Variants in GNB5 observed in about 807,000 individuals in gnomAD.
GNB5 encodes guanine nucleotide-binding protein subunit beta-5.
Under a neutral mutation model 55.3 loss-of-function variants are expected in GNB5, and 37 were observed. That is an observed-to-expected ratio of 0.67 (90% CI 0.51 to 0.88). The LOEUF (loss-of-function observed/expected upper bound fraction) is 0.88, where lower values mean the gene tolerates loss of function less well. GNB5 is among the 40% of genes least tolerant of loss of function. The pLI, the probability that GNB5 is intolerant of heterozygous loss-of-function variation, is 0.00. For missense variants in GNB5, 476 were observed against 515.3 expected, an observed-to-expected ratio of 0.92 and a Z score of 0.74; for synonymous variants, 219 against 198.5, an observed-to-expected ratio of 1.10 and a Z score of -0.87.
intron 11 of GNB5, chr15:52,125,173 A>T (rs2033390072): frequency 6.6e-6 from 1 of 152,504 alleles, no homozygotes; most frequent in Non-Finnish European, 1.5e-5. Flanking sequence ...CCTCTGCTTT[A>T]ACTTTCTATT....
chr15:52,190,778 T>TAAAAAAAAAAAAAAAAAAAA (rs58614125), intron 1 of GNB5, among the ~76,000 whole-genome samples: 2 of 96,908 alleles, frequency 2.1e-5, no homozygotes, highest in African/African-American at 8.8e-5. Flanking sequence ...CTTATTTCCT[T>TAAAAAAAAAAAAAAAAAAAA]AAAAAAAAAA....
chr15:52,177,755 T>G (rs1439603641), intron 3 of GNB5, among the ~76,000 whole-genome samples: 2 of 151,990 alleles, frequency 1.3e-5, no homozygotes, highest in Non-Finnish European at 2.9e-5. Flanking sequence ...ATAAGAACCT[T>G]CAAGAAGCAA....
chr15:52,164,940 A>T (rs2141226588), intron 3 of GNB5, among the ~76,000 whole-genome samples: 1 of 152,306 alleles, frequency 6.6e-6, no homozygotes, highest in South Asian at 2.1e-4. Flanking sequence ...GTTCTAACCC[A>T]ATGCAAAGAA....
chr15:52,149,114 T>C (rs3794541), intron 5 of GNB5, among the ~76,000 whole-genome samples: 55,172 of 152,070 alleles, frequency 0.36, 10,393 homozygotes, highest in East Asian at 0.44. Flanking sequence ...CAAAATGGTT[T>C]CGGCCCCTCA....
intron 2 of GNB5, 69 bp from the exon 3 acceptor site, chr15:52,179,948 T>C: frequency 1.4e-6 from 2 of 1,426,532 alleles, no homozygotes; most frequent in Non-Finnish European, 9.2e-7. Flanking sequence ...CGGGCGCCGC[T>C]CCAGCAGCCG....
chr15:52,141,081 T>C, intron 7 of GNB5, 59 bp downstream of exon 7: 1 of 1,533,714 alleles, frequency 6.5e-7, no homozygotes, highest in East Asian at 2.2e-5. Context: ...TCCTCTCCTC[T>C]CAGCTCCTCT....
chr15:52,128,588 G>A (rs2033487941), intron 9 of GNB5: 9 of 545,436 alleles, frequency 1.7e-5, no homozygotes, highest in South Asian at 1.4e-4. Context: ...TATGAGCACA[G>A]ACACTGAATC....
chr15:52,126,085 CAG>C, intron 10 of GNB5, 41 bp from the exon 11 acceptor site: 1 of 979,718 alleles, frequency 1.0e-6, no homozygotes, highest in Non-Finnish European at 1.6e-6. Context: ...CTTCTGGCTT[CAG>C]TTTGGTGACG....
chr15:52,153,479 G>T (rs760542821), intron 4 of GNB5, among the ~76,000 whole-genome samples: 6 of 151,970 alleles, frequency 3.9e-5, no homozygotes, highest in African/African-American at 7.3e-5. Context: ...TGGAGGAATA[G>T]ATAACTAATA....
chr15:52,147,210 C>A, intron 6 of GNB5: 1 of 323,384 alleles, frequency 3.1e-6, no homozygotes, highest in Non-Finnish European at 5.7e-6. Context: ...TGCTATGTTG[C>A]CAGGGTGGAC....
rs150174426 is a variant in GNB5 at position 52,167,083 on chromosome 15, T to C, written c.238+12685A>G. Among the ~76,000 whole-genome samples the C allele has an allele frequency of 6.1e-3, 933 of 151,934 alleles. 11 individuals carry two copies. Among genetic ancestry groups the C allele is most frequent in the African/African-American group, 0.021 (890 of 41,404 alleles). ...CATAAACTAGAAAATCTAGAAGAAA[T>C]AGATAAATTCCTAAATGCATACACC... On this transcript the variant is annotated intron_variant, in intron 3 of 12. Coordinates refer to ENST00000261837, the MANE Select transcript of GNB5 (RefSeq NM_016194.4).
At chr15:52,188,472 T>A (rs2034875741) in intron 1 of GNB5, among the ~76,000 whole-genome samples, 2 of 152,254 alleles carry the variant, frequency 1.3e-5, no homozygotes, top group Non-Finnish European at 1.5e-5. Context: ...ATACTGTTCA[T>A]GTATACTGAT....
rs778997593 is a variant in GNB5 at position 52,133,389 on chromosome 15, G to T, written c.852C>A (p.Ile284=). The part of the protein sequence containing the change: ...VQAFETHESD[I]NSVRYYPSGD... ...TTCTACTCACTGACCGGACACTGTTGATGTCAGATTCATGTGTTTCAAAGG... is the reference window on the plus strand; with the variant it reads ...TTCTACTCACTGACCGGACACTGTTTATGTCAGATTCATGTGTTTCAAAGG... The change falls in exon 9 of 13, where the codon ATC becomes ATA. Residue 284 remains isoleucine (I), a synonymous_variant. Coordinates refer to ENST00000261837, the MANE Select transcript of GNB5 (RefSeq NM_016194.4). 6.2e-7 allele frequency: 1 copy of T among 1,600,288 alleles called. No homozygotes were observed. The highest frequency in any genetic ancestry group is 1.1e-5 in the South Asian group (1 of 90,812).
intron 2 of GNB5, 117 bp from the exon 3 acceptor site, chr15:52,179,996 C>A: frequency 7.9e-7 from 1 of 1,261,626 alleles, no homozygotes; most frequent in Non-Finnish European, 1.0e-6. Flanking sequence ...CCCCGCCCTC[C>A]GCGATGACGC....
intron 3 of GNB5, among the ~76,000 whole-genome samples, chr15:52,160,319 T>C (rs556183420): frequency 2.0e-5 from 3 of 152,292 alleles, no homozygotes; most frequent in East Asian, 3.9e-4. Flanking sequence ...ACCCAATCCA[T>C]GGGAGTGTTG....
intron 3 of GNB5, 134 bp from the exon 4 acceptor site, chr15:52,154,210 T>C: frequency 1.4e-6 from 1 of 699,090 alleles, no homozygotes. Flanking sequence ...CACAGCTTGA[T>C]TCTCTGATTC....
At chr15:52,190,450 TGTAGTCA>T (rs2034905339) in intron 1 of GNB5, among the ~76,000 whole-genome samples, 1 of 152,202 alleles carries the variant, frequency 6.6e-6, no homozygotes. Context: ...AAAAGGCTTG[TGTAGTCA>T]CTTCACAAAT....
intron 3 of GNB5, 31 bp downstream of exon 3, chr15:52,179,737 T>C (rs372028745): frequency 5.7e-6 from 7 of 1,235,186 alleles, no homozygotes; most frequent in East Asian, 8.4e-5. Flanking sequence ...CCGGTCCGGC[T>C]TGCCCCGCCC....
chr15:52,188,799 T>C (rs2034880118), intron 1 of GNB5, among the ~76,000 whole-genome samples: 1 of 152,206 alleles, frequency 6.6e-6, no homozygotes, highest in Non-Finnish European at 1.5e-5. Context: ...GTGTTTATTT[T>C]AAAAAGAACC....
Sources: gnomAD v4.1 joint callset for allele counts (sites outside exome capture counted in the v4.1 genomes callset) on GRCh38, gnomAD v4.1.1 for gene constraint, MANE v1.5 for transcripts, NCBI Gene and HGNC (gene_info 2026-07-23, HGNC 2026-07-21) for gene names.